The following PFDN1 variants were observed in gnomAD, a reference collection of about 807,000 sequenced individuals.
PFDN1 encodes the protein prefoldin subunit 1, also known as prefoldin 1.
Under a neutral mutation model 17.3 loss-of-function variants are expected in PFDN1, and 6 were observed. That is an observed-to-expected ratio of 0.35 (90% CI 0.19 to 0.69). The LOEUF is 0.69. Among genes scored for constraint, PFDN1 ranks in the 30% least tolerant of loss-of-function variants. The pLI is 0.65. For synonymous variants in PFDN1, 58 were observed against 50.1 expected, an observed-to-expected ratio of 1.16 and a Z score of -0.67; for missense variants, 113 against 146.2, an observed-to-expected ratio of 0.77 and a Z score of 1.17.
intron 3 of PFDN1, among the ~76,000 whole-genome samples, chr5:140,259,415 TAC>T (rs1765033132): frequency 1.3e-5 from 2 of 152,346 alleles, no homozygotes; most frequent in African/African-American, 4.8e-5. Context: ...AGGAAACGAT[TAC>T]AGTTTCCCAA....
At chr5:140,253,042 C>T (rs372564484) in intron 3 of PFDN1, among the ~76,000 whole-genome samples, 166 of 152,328 alleles carry the variant, frequency 1.1e-3, no homozygotes, top group African/African-American at 2.9e-3. Context: ...TGAGCTACAC[C>T]GCTGGGAGAC....
intron 2 of PFDN1, among the ~76,000 whole-genome samples, chr5:140,291,952 G>A (rs532195707): frequency 3.9e-4 from 59 of 152,142 alleles, no homozygotes; most frequent in African/African-American, 1.3e-3. Context: ...CCATACAAGC[G>A]TTCCTTGTTC....
At chr5:140,292,652 C>T (rs1047306949) in intron 2 of PFDN1, among the ~76,000 whole-genome samples, 3 of 152,056 alleles carry the variant, frequency 2.0e-5, no homozygotes, top group Non-Finnish European at 4.4e-5. Flanking sequence ...AATAAGAGTT[C>T]CTGGCCAGGA....
chr5:140,252,960 T>C (rs1764935595), intron 3 of PFDN1, among the ~76,000 whole-genome samples: 2 of 152,182 alleles, frequency 1.3e-5, no homozygotes, highest in South Asian at 2.1e-4. Flanking sequence ...GGTCCACGGA[T>C]ATGCCCACTT....
chr5:140,256,854 G>A (rs1185607235), intron 3 of PFDN1, among the ~76,000 whole-genome samples: 1 of 151,876 alleles, frequency 6.6e-6, no homozygotes, highest in East Asian at 1.9e-4. Flanking sequence ...CCTAGTCCAA[G>A]CCTCCATCAT....
At chr5:140,246,321 G>A (rs542071454) in intron 3 of PFDN1, among the ~76,000 whole-genome samples, 16 of 152,204 alleles carry the variant, frequency 1.1e-4, no homozygotes, top group African/African-American at 3.9e-4. Flanking sequence ...TCTTCCCCCA[G>A]AAGGAAGAAG....
At chr5:140,290,434 A>C (rs1030768478) in intron 2 of PFDN1, among the ~76,000 whole-genome samples, 3 of 152,204 alleles carry the variant, frequency 2.0e-5, no homozygotes, top group African/African-American at 7.2e-5. Context: ...CACAGGGAGA[A>C]GGGCAGGGCC....
chr5:140,246,691 T>G (rs1323363252), intron 3 of PFDN1, among the ~76,000 whole-genome samples: 1 of 152,128 alleles, frequency 6.6e-6, no homozygotes, highest in Non-Finnish European at 1.5e-5. Flanking sequence ...GGTCCTAAAT[T>G]AAAAATCTCG....
chr5:140,258,956 G>A (rs1051162535), intron 3 of PFDN1, among the ~76,000 whole-genome samples: 6 of 152,136 alleles, frequency 3.9e-5, no homozygotes, highest in Non-Finnish European at 1.5e-5. Flanking sequence ...CCTAGGTAAA[G>A]AACATACAAT....
chr5:140,275,373 C>G (rs1765274212), intron 3 of PFDN1, among the ~76,000 whole-genome samples: 1 of 148,426 alleles, frequency 6.7e-6, no homozygotes, highest in Non-Finnish European at 1.5e-5. Context: ...TGCGCCACTG[C>G]ACTCCAGCCT....
chr5:140,281,420 G>A (rs765436833), intron 3 of PFDN1, 29 bp downstream of exon 3: 2 of 966,258 alleles, frequency 2.1e-6, no homozygotes, highest in Admixed American at 3.5e-5. Flanking sequence ...TCTCCCAAAA[G>A]TTAACTCCTA....
At position 140,245,752 on chromosome 5, in the gene PFDN1, G is replaced by A. The variant is rs11558409; in HGVS notation, c.*222C>T. Reference sequence around the variant, plus strand: ...CTCCTGGGAGTTCATCACACATCCCGAGAGGGAAGAGTGTCCTGGGCAGAG... The same window carrying A: ...CTCCTGGGAGTTCATCACACATCCCAAGAGGGAAGAGTGTCCTGGGCAGAG... On this transcript the variant is annotated 3_prime_UTR_variant, in exon 4 of 4. Transcript: ENST00000261813. 8.2e-6 allele frequency: 5 copies of A among 610,762 alleles called. No homozygotes were observed. Among genetic ancestry groups the A allele is most frequent in the South Asian group, 3.9e-5 (2 of 51,386 alleles). 37.8% of individuals were successfully genotyped at this position (610,762 alleles called of 1,614,324 possible).
intron 3 of PFDN1, among the ~76,000 whole-genome samples, chr5:140,260,463 G>A (rs1215022017): frequency 6.6e-6 from 1 of 151,792 alleles, no homozygotes; most frequent in Non-Finnish European, 1.5e-5. Context: ...CTGATAAATG[G>A]ATAAACAAAA....
intron 3 of PFDN1, among the ~76,000 whole-genome samples, chr5:140,279,110 T>C (rs1405547278): frequency 6.6e-6 from 1 of 152,210 alleles, no homozygotes; most frequent in African/African-American, 2.4e-5. Flanking sequence ...TATAGCATAA[T>C]TCCTATTTTA....
intron 3 of PFDN1, among the ~76,000 whole-genome samples, chr5:140,280,071 C>T (rs950816858): frequency 1.4e-5 from 2 of 146,926 alleles, no homozygotes; most frequent in African/African-American, 2.6e-5. Flanking sequence ...TTTATCCCTA[C>T]GTCCCATCTA....
At chr5:140,258,490 C>T (rs139108316) in intron 3 of PFDN1, among the ~76,000 whole-genome samples, 126 of 149,706 alleles carry the variant, frequency 8.4e-4, no homozygotes, top group African/African-American at 2.8e-3. Context: ...AGAGAATACA[C>T]GCGTGAATGT....
At chr5:140,262,562 GC>G (rs1198650179) in intron 3 of PFDN1, 3 of 456,002 alleles carry the variant, frequency 6.6e-6, no homozygotes, top group South Asian at 3.1e-5. Context: ...CCACTGACCA[GC>G]CCTACCAATG....
chr5:140,273,292 TCATACAGTAGAGTCCAC>T (rs1765237408), intron 3 of PFDN1, among the ~76,000 whole-genome samples: 3 of 150,458 alleles, frequency 2.0e-5, no homozygotes, highest in African/African-American at 2.4e-5. Flanking sequence ...TCAGTGACTA[TCATACAGTAGAGTCCAC>T]CTGACATCAC....
rs758790027 is a variant in PFDN1 at position 140,281,474 on chromosome 5, G to A, written c.260C>T (p.Ala87Val). Residue 87 changes from alanine (A) to valine (V), a missense_variant, in exon 3 of 4, where the codon GCA becomes GTA. By Grantham distance (64) the Ala-to-Val change is moderately conservative. Transcript: ENST00000261813. ...HSQLLEKQKI[A>V]EEKIKELEQK... ...TTCTAGTTCTTTAATTTTTTCTTCT[G>A]CTATTTTCTGCTTCTCTAACAGCTG... The A allele has an allele frequency of 1.3e-6, 2 of 1,565,298 alleles. No homozygotes were observed.
Sources: allele counts gnomAD v4.1 joint callset (sites outside exome capture counted in the v4.1 genomes callset), GRCh38; gene constraint gnomAD v4.1.1; transcripts MANE v1.5; gene names NCBI Gene and HGNC (gene_info 2026-07-23, HGNC 2026-07-21).